Variants in SDK1 observed in about 807,000 individuals in gnomAD.
The protein encoded by SDK1 is sidekick cell adhesion molecule 1, also known as protein sidekick-1.
Under a neutral mutation model 245.5 loss-of-function variants are expected in SDK1, and 157 were observed. The ratio of observed to expected loss-of-function variants is 0.64; its 90% confidence interval spans 0.56 to 0.73. The LOEUF is 0.73. SDK1 is among the 30% of genes least tolerant of loss of function. The pLI is 0.00. For synonymous variants in SDK1, 1,647 were observed against 1,278.5 expected (o/e 1.29, Z -6.15); for missense variants, 3,583 against 3,002.3 (o/e 1.19, Z -4.52).
At position 3,951,682 on chromosome 7, in the gene SDK1, A is replaced by G. The variant is rs368962964; in HGVS notation, c.960-48A>G. ...AGTGCCTGAGATGATGACCGTTGCCACCTCCCTGAGTCACAATCGTCGTCA... is the reference window on the plus strand; with the variant it reads ...AGTGCCTGAGATGATGACCGTTGCCGCCTCCCTGAGTCACAATCGTCGTCA... On this transcript the variant is annotated intron_variant, in intron 6 of 44. Coordinates refer to ENST00000404826, the MANE Select transcript of SDK1 (RefSeq NM_152744.4). The G allele has an allele frequency of 4.5e-6, 7 of 1,563,114 alleles. No individual in the cohort carries two copies. The East Asian group carries it at 1.6e-4, about 35-fold the overall frequency.
chr7:3,398,335 A>T (rs114186898), intron 1 of SDK1, among the ~76,000 whole-genome samples: 137 of 152,238 alleles, frequency 9.0e-4, no homozygotes, highest in African/African-American at 3.2e-3. Context: ...GAGAGGAAAC[A>T]TTCTATAATC....
intron 1 of SDK1, among the ~76,000 whole-genome samples, chr7:3,409,297 GT>G (rs5881980): frequency 0.063 from 8,668 of 136,558 alleles, 428 homozygotes; most frequent in African/African-American, 0.15. Context: ...TTCTATTATG[GT>G]TTTTTTTTTT....
At chr7:4,041,490 G>A (rs1169402897) in intron 17 of SDK1, among the ~76,000 whole-genome samples, 2 of 151,964 alleles carry the variant, frequency 1.3e-5, no homozygotes, top group African/African-American at 4.8e-5. Flanking sequence ...GAGGGTTCAC[G>A]CTTGGCACTG....
Position 3,913,292 on chromosome 7 carries a change from CT to C in SDK1, c.848-37612del, listed in dbSNP as rs1290723820. Among the ~76,000 whole-genome samples the C allele has an allele frequency of 8.7e-3, 1,178 of 135,160 alleles. 2 individuals carry two copies. The highest frequency in any genetic ancestry group is 0.025 in the African/African-American group (901 of 35,542). 88.7% of individuals were successfully genotyped at this position (135,160 alleles called of 152,430 possible). A position where few individuals can be genotyped will look rare whatever the true frequency, so the allele number is the denominator to read the frequency against. On this transcript the variant is annotated intron_variant, in intron 5 of 44. Coordinates refer to ENST00000404826, the MANE Select transcript of SDK1 (RefSeq NM_152744.4). ...CCTCTGACCTTTCTCTTACACTTATCTTTTTTTTTTTTTTTTTTTGAGATGG... is the reference window on the plus strand; with the variant it reads ...CCTCTGACCTTTCTCTTACACTTATCTTTTTTTTTTTTTTTTTTGAGATGG...
At chr7:4,021,438 A>C (rs1167550532) in intron 17 of SDK1, among the ~76,000 whole-genome samples, 1 of 152,154 alleles carries the variant, frequency 6.6e-6, no homozygotes, top group South Asian at 2.1e-4. Flanking sequence ...ACAGACCCAC[A>C]GTGACAGGAG....
At chr7:3,600,551 G>GTT (rs368644982) in intron 1 of SDK1, among the ~76,000 whole-genome samples, 16,328 of 108,560 alleles carry the variant, frequency 0.15, 1,627 homozygotes, top group Non-Finnish European at 0.19. Flanking sequence ...ATTAGATGTA[G>GTT]TTTTTTTTTT....
At chr7:4,093,686 G>A (rs1219642075) in intron 22 of SDK1, among the ~76,000 whole-genome samples, 8 of 152,206 alleles carry the variant, frequency 5.3e-5, no homozygotes, top group African/African-American at 1.9e-4. Flanking sequence ...CGTCGACAGC[G>A]ACAGCGTTTG....
chr7:4,202,182 G>C (rs990173197), intron 35 of SDK1, among the ~76,000 whole-genome samples: 3 of 152,088 alleles, frequency 2.0e-5, no homozygotes, highest in Non-Finnish European at 2.9e-5. Context: ...ATTGTGATGC[G>C]TGTCTCTCTC....
intron 14 of SDK1, among the ~76,000 whole-genome samples, chr7:4,009,193 G>A (rs1785739492): frequency 6.6e-6 from 1 of 152,148 alleles, no homozygotes; most frequent in Non-Finnish European, 1.5e-5. Context: ...CCCTTAAGTG[G>A]GAGAGCTCGT....
chr7:3,776,267 A>C (rs754296132), intron 4 of SDK1, among the ~76,000 whole-genome samples: 8 of 152,252 alleles, frequency 5.3e-5, no homozygotes, highest in Non-Finnish European at 8.8e-5. Context: ...TGCAAAGGAC[A>C]ATCATAGATG....
chr7:4,204,059 C>T (rs1272293673), intron 35 of SDK1, among the ~76,000 whole-genome samples: 1 of 152,198 alleles, frequency 6.6e-6, no homozygotes, highest in Non-Finnish European at 1.5e-5. Context: ...CTGTCGTGGG[C>T]GCGCTGAGTT....
chr7:3,879,423 G>A (rs1406577270), intron 5 of SDK1, among the ~76,000 whole-genome samples: 6 of 152,116 alleles, frequency 3.9e-5, no homozygotes, highest in Admixed American at 2.0e-4. Context: ...TGCTGCAGCC[G>A]CTGGGCTCAG....
chr7:3,560,690 C>T (rs894124745), intron 1 of SDK1, among the ~76,000 whole-genome samples: 2 of 152,108 alleles, frequency 1.3e-5, no homozygotes, highest in Non-Finnish European at 2.9e-5. Flanking sequence ...TCTCCAGTGG[C>T]CACCCATTTA....
At chr7:4,016,790 C>G (rs564579302) in intron 16 of SDK1, among the ~76,000 whole-genome samples, 2 of 152,292 alleles carry the variant, frequency 1.3e-5, no homozygotes, top group Admixed American at 6.5e-5. Flanking sequence ...GGAAGTCTCC[C>G]CACGTTTCAG....
At chr7:4,036,983 A>T (rs905465919) in intron 17 of SDK1, among the ~76,000 whole-genome samples, 1 of 152,196 alleles carries the variant, frequency 6.6e-6, no homozygotes, top group Non-Finnish European at 1.5e-5. Context: ...GACGTCATTT[A>T]AGAGGCCGTT....
intron 11 of SDK1, among the ~76,000 whole-genome samples, chr7:3,971,211 G>C (rs1161504883): frequency 6.6e-6 from 1 of 152,008 alleles, no homozygotes; most frequent in Non-Finnish European, 1.5e-5. Flanking sequence ...TCGGCATTCA[G>C]TTACTTCCAT....
intron 1 of SDK1, among the ~76,000 whole-genome samples, chr7:3,353,790 T>G (rs1780721627): frequency 6.7e-6 from 1 of 148,918 alleles, no homozygotes. Flanking sequence ...AACTGTAGAT[T>G]TCATCTAGAA....
intron 14 of SDK1, among the ~76,000 whole-genome samples, chr7:4,007,927 C>T (rs1414898893): frequency 1.3e-5 from 2 of 152,090 alleles, no homozygotes; most frequent in African/African-American, 4.8e-5. Flanking sequence ...ATAAAAAATC[C>T]ATCATGTTCA....
chr7:3,403,801 T>A (rs1249029525), intron 1 of SDK1, among the ~76,000 whole-genome samples: 1 of 127,974 alleles, frequency 7.8e-6, no homozygotes, highest in Non-Finnish European at 1.6e-5. Flanking sequence ...CCAAGCTGCA[T>A]TACAGGGATT....
Sources: gnomAD v4.1 joint callset for allele counts (sites outside exome capture counted in the v4.1 genomes callset) on GRCh38, gnomAD v4.1.1 for gene constraint, MANE v1.5 for transcripts, NCBI Gene and HGNC (gene_info 2026-07-23, HGNC 2026-07-21) for gene names.